SLC9A9: variants seen among roughly 807,000 people sequenced by gnomAD.
SLC9A9 encodes the protein solute carrier family 9 member A9.
SLC9A9 carries 62 observed loss-of-function variants against 77.8 expected under a neutral mutation model. That is an observed-to-expected ratio of 0.80 (90% confidence interval 0.65 to 0.98). The LOEUF (loss-of-function observed/expected upper bound fraction) is 0.98, where lower values mean the gene tolerates loss of function less well. Ranked by LOEUF, SLC9A9 falls within the 50% of genes least tolerant of loss-of-function variation. The pLI, the probability that SLC9A9 is intolerant of heterozygous loss-of-function variation, is 0.00. For missense variants in SLC9A9, 775 were observed against 774.9 expected, an observed-to-expected ratio of 1.00 and a Z score of 0.00; for synonymous variants, 320 against 283.5, an observed-to-expected ratio of 1.13 and a Z score of -1.29.
At chr3:143,606,434 C>CTA (rs1427549304) in intron 6 of SLC9A9, among the ~76,000 whole-genome samples, 68 of 52,940 alleles carry the variant, frequency 1.3e-3, no homozygotes, top group East Asian at 6.8e-3. Flanking sequence ...CTCTCTCTCT[C>CTA]TCTATATATA....
intron 14 of SLC9A9, among the ~76,000 whole-genome samples, chr3:143,359,629 C>T (rs1204231520): frequency 6.6e-6 from 1 of 152,096 alleles, no homozygotes; most frequent in Non-Finnish European, 1.5e-5. Flanking sequence ...AGGGGCTCTA[C>T]GGACCAGACT....
At chr3:143,475,036 G>C (rs1181476237) in intron 11 of SLC9A9, among the ~76,000 whole-genome samples, 1 of 149,300 alleles carries the variant, frequency 6.7e-6, no homozygotes, top group Non-Finnish European at 1.5e-5. Context: ...TCAGCTCACT[G>C]TAACCTCCGC....
intron 11 of SLC9A9, among the ~76,000 whole-genome samples, chr3:143,487,790 C>T (rs934001193): frequency 2.0e-5 from 3 of 151,296 alleles, no homozygotes; most frequent in African/African-American, 7.3e-5. Context: ...AAAACAAGAA[C>T]AATCTCAAAT....
At chr3:143,517,218 C>T (rs1316265620) in intron 9 of SLC9A9, 2 of 1,296,422 alleles carry the variant, frequency 1.5e-6, no homozygotes, top group Non-Finnish European at 1.1e-6. Flanking sequence ...TTCTGAGCCA[C>T]ATCCTGGAAG....
intron 14 of SLC9A9, among the ~76,000 whole-genome samples, chr3:143,296,971 A>G (rs1426794393): frequency 6.6e-6 from 1 of 152,160 alleles, no homozygotes; most frequent in African/African-American, 2.4e-5. Flanking sequence ...TCCATTCTAC[A>G]GGTTGTCTTT....
intron 12 of SLC9A9, among the ~76,000 whole-genome samples, chr3:143,420,981 T>C (rs969863747): frequency 6.6e-6 from 1 of 152,074 alleles, no homozygotes; most frequent in Non-Finnish European, 1.5e-5. Context: ...TACATTTCTA[T>C]ACACCAATAA....
At chr3:143,651,751 C>G (rs1272360166) in intron 6 of SLC9A9, among the ~76,000 whole-genome samples, 1 of 152,192 alleles carries the variant, frequency 6.6e-6, no homozygotes, top group African/African-American at 2.4e-5. Context: ...AGCTGAAGCT[C>G]CATCAGTTTC....
chr3:143,304,355 C>T (rs534826944), intron 14 of SLC9A9, among the ~76,000 whole-genome samples: 9 of 152,260 alleles, frequency 5.9e-5, no homozygotes, highest in South Asian at 2.1e-4. Flanking sequence ...GCCTAGGAGG[C>T]GCATATGTTT....
At chr3:143,721,196 C>A (rs78890405) in intron 4 of SLC9A9, among the ~76,000 whole-genome samples, 1 of 152,046 alleles carries the variant, frequency 6.6e-6, no homozygotes, top group Non-Finnish European at 1.5e-5. Flanking sequence ...TTCCCCCACA[C>A]CCCCAAAAAA....
chr3:143,753,891 A>G (rs2006832153), intron 4 of SLC9A9, among the ~76,000 whole-genome samples: 1 of 152,258 alleles, frequency 6.6e-6, no homozygotes, highest in Non-Finnish European at 1.5e-5. Flanking sequence ...TTTTTAATAA[A>G]GAGAGAAAAA....
chr3:143,487,203 T>C lies in SLC9A9; in HGVS notation c.1315+6450A>G, dbSNP rs59324843. Among the ~76,000 whole-genome samples the C allele has an allele frequency of 5.1e-3, 728 of 141,600 alleles. 4 individuals carry two copies. Among genetic ancestry groups the C allele is most frequent in the African/African-American group, 0.017 (696 of 41,266 alleles). The allele number at this position is 141,600 out of a possible 152,430, so 92.9% of individuals were successfully genotyped here. ...CAAAGATTAATAAAAGTTCCAGTACTGCAAGAAGATATAACAATTATAAAC... is the reference window on the plus strand; with the variant it reads ...CAAAGATTAATAAAAGTTCCAGTACCGCAAGAAGATATAACAATTATAAAC... On this transcript the variant is annotated intron_variant, in intron 11 of 15. Coordinates refer to ENST00000316549, the MANE Select transcript of SLC9A9 (RefSeq NM_173653.4).
chr3:143,742,724 A>G (rs1280678476), intron 4 of SLC9A9, among the ~76,000 whole-genome samples: 1 of 152,160 alleles, frequency 6.6e-6, no homozygotes, highest in East Asian at 1.9e-4. Flanking sequence ...ATAATATACC[A>G]AAATTTAGTT....
chr3:143,826,157 G>A (rs1479040260), intron 2 of SLC9A9, among the ~76,000 whole-genome samples: 1 of 151,868 alleles, frequency 6.6e-6, no homozygotes, highest in Non-Finnish European at 1.5e-5. Context: ...TACTTGGGAG[G>A]CTAGGGCATG....
chr3:143,705,189 G>T (rs1286277045), intron 4 of SLC9A9, among the ~76,000 whole-genome samples: 1 of 151,964 alleles, frequency 6.6e-6, no homozygotes, highest in African/African-American at 2.4e-5. Flanking sequence ...AAAGAAGCCA[G>T]GCACAGAAAG....
intron 13 of SLC9A9, among the ~76,000 whole-genome samples, chr3:143,380,960 G>A (rs898015183): frequency 2.6e-5 from 4 of 152,152 alleles, no homozygotes; most frequent in African/African-American, 7.2e-5. Context: ...AATTCATTAA[G>A]CAATATCACT....
At chr3:143,582,015 C>A (rs1371968022) in intron 6 of SLC9A9, among the ~76,000 whole-genome samples, 1 of 152,074 alleles carries the variant, frequency 6.6e-6, no homozygotes. Flanking sequence ...AGGTGCGGGA[C>A]AACTGGAAAG....
chr3:143,791,371 T>C (rs779758904), intron 4 of SLC9A9, among the ~76,000 whole-genome samples: 19 of 152,226 alleles, frequency 1.2e-4, no homozygotes, highest in Non-Finnish European at 1.8e-4. Context: ...CCCAATGATC[T>C]CCATTCCTGT....
chr3:143,757,846 AG>A, intron 4 of SLC9A9, among the ~76,000 whole-genome samples: 1 of 152,196 alleles, frequency 6.6e-6, no homozygotes, highest in South Asian at 2.1e-4. Flanking sequence ...TAGTATGAAG[AG>A]GTTGGCAGGA....
chr3:143,277,522 T>A (rs539032339), intron 14 of SLC9A9, among the ~76,000 whole-genome samples: 10 of 152,238 alleles, frequency 6.6e-5, no homozygotes, highest in Admixed American at 5.2e-4. Context: ...ATTTTACCAC[T>A]ATTAGGTCTT....
Sources: allele counts gnomAD v4.1 joint callset (sites outside exome capture counted in the v4.1 genomes callset), GRCh38; gene constraint gnomAD v4.1.1; transcripts MANE v1.5; gene names NCBI Gene and HGNC (gene_info 2026-07-23, HGNC 2026-07-21).